CTNNA3: variants seen among roughly 807,000 people sequenced by gnomAD.
CTNNA3 encodes catenin alpha 3.
In CTNNA3, 76 loss-of-function variants were observed where a neutral mutation model predicts 95.7. That is an observed-to-expected ratio of 0.79 (90% CI 0.66 to 0.96). The LOEUF is 0.96. Ranked by LOEUF, CTNNA3 falls within the 40% of genes least tolerant of loss-of-function variation. The probability of loss-of-function intolerance (pLI) is 0.00; values close to 1 mark genes in which losing one functional copy is unlikely to be tolerated. For synonymous variants in CTNNA3, 431 were observed against 374.4 expected (o/e 1.15, Z -1.74); for missense variants, 1,191 against 1,089.8 (o/e 1.09, Z -1.31).
chr10:66,292,094 C>CACACAT (rs1554923879), intron 12 of CTNNA3, among the ~76,000 whole-genome samples: 1 of 150,460 alleles, frequency 6.6e-6, no homozygotes, highest in Non-Finnish European at 1.5e-5. Context: ...CACACACACA[C>CACACAT]ATATATATAT....
intron 4 of CTNNA3, 125 bp downstream of exon 4, chr10:67,539,376 TGC>T: frequency 1.0e-6 from 1 of 969,596 alleles, no homozygotes; most frequent in South Asian, 1.6e-5. Context: ...CAGTCTAGTC[TGC>T]TTCTGAAGGG....
chr10:66,491,088 T>C (rs1295287361), intron 11 of CTNNA3, among the ~76,000 whole-genome samples: 1 of 152,152 alleles, frequency 6.6e-6, no homozygotes, highest in Non-Finnish European at 1.5e-5. Context: ...AGAAATGCAA[T>C]TGAAGAGCTG....
intron 5 of CTNNA3, among the ~76,000 whole-genome samples, chr10:67,289,963 T>G (rs962322957): frequency 2.0e-5 from 3 of 151,460 alleles, no homozygotes; most frequent in African/African-American, 7.3e-5. Flanking sequence ...CATGCCAGGC[T>G]AATTTAAAAA....
chr10:67,626,759 G>A (rs1006789801), intron 2 of CTNNA3, among the ~76,000 whole-genome samples: 2 of 150,784 alleles, frequency 1.3e-5, no homozygotes, highest in South Asian at 2.1e-4. Flanking sequence ...ACATGTATAC[G>A]TGTGTGTTGT....
intron 7 of CTNNA3, among the ~76,000 whole-genome samples, chr10:67,131,629 T>C (rs1019584699): frequency 5.9e-5 from 9 of 152,046 alleles, no homozygotes; most frequent in Non-Finnish European, 1.5e-5. Flanking sequence ...GATCAATCTT[T>C]GTCATTTTTT....
At chr10:66,844,956 G>T (rs939257503) in intron 7 of CTNNA3, among the ~76,000 whole-genome samples, 1 of 152,158 alleles carries the variant, frequency 6.6e-6, no homozygotes, top group Non-Finnish European at 1.5e-5. Context: ...ATAGAAAGGG[G>T]TGGAATGAGA....
At chr10:66,647,713 A>C in intron 9 of CTNNA3, among the ~76,000 whole-genome samples, 1 of 150,092 alleles carries the variant, frequency 6.7e-6, no homozygotes. Flanking sequence ...TAGAGAGGGC[A>C]TTTCACCTTG....
At chr10:67,753,879 G>A (rs1400348687) in intron 1 of CTNNA3, among the ~76,000 whole-genome samples, 1 of 152,232 alleles carries the variant, frequency 6.6e-6, no homozygotes, top group Non-Finnish European at 1.5e-5. Flanking sequence ...ATGTAAATTA[G>A]TTCAACAATT....
At position 67,256,928 on chromosome 10, in the gene CTNNA3, T is replaced by A. The variant is rs1426655814; in HGVS notation, c.580-37058A>T. On this transcript the variant is annotated intron_variant, in intron 5 of 17. Transcript: ENST00000433211. ...AAAAAGTTTAGTTAAATAAAAAAAA[T>A]TAAAATTGCAAAATGCAAACTCTGT... 3.3e-5 allele frequency among the ~76,000 whole-genome samples: 5 copies of A among 152,088 alleles called. No individual in the cohort carries two copies. The East Asian group carries it at 7.7e-4, about 23-fold the overall frequency.
At chr10:66,122,279 C>G (rs1341287999) in intron 13 of CTNNA3, among the ~76,000 whole-genome samples, 1 of 152,022 alleles carries the variant, frequency 6.6e-6, no homozygotes, top group Non-Finnish European at 1.5e-5. Context: ...TGAAATTTGT[C>G]ATTACCTACT....
chr10:66,794,296 T>C (rs1031105153), intron 7 of CTNNA3, among the ~76,000 whole-genome samples: 3 of 152,078 alleles, frequency 2.0e-5, no homozygotes, highest in Non-Finnish European at 2.9e-5. Flanking sequence ...TCAAAGATAT[T>C]CGGGTTCAGT....
intron 11 of CTNNA3, among the ~76,000 whole-genome samples, chr10:66,508,796 C>T (rs923900770): frequency 2.0e-5 from 3 of 152,038 alleles, no homozygotes; most frequent in Admixed American, 6.6e-5. Flanking sequence ...TTGTTGAACA[C>T]GTAGGTTTAT....
intron 3 of CTNNA3, among the ~76,000 whole-genome samples, chr10:67,564,256 A>T (rs1374143775): frequency 1.3e-5 from 2 of 149,744 alleles, no homozygotes; most frequent in Non-Finnish European, 3.0e-5. Context: ...ATGTCCAACA[A>T]TGATAGACTG....
chr10:67,103,771 T>A (rs1240953848), intron 7 of CTNNA3, among the ~76,000 whole-genome samples: 1 of 151,716 alleles, frequency 6.6e-6, no homozygotes, highest in African/African-American at 2.4e-5. Context: ...CAGAATTATT[T>A]ATTCTGTATT....
chr10:66,463,739 A>C (rs2093545051), intron 11 of CTNNA3, among the ~76,000 whole-genome samples: 1 of 152,150 alleles, frequency 6.6e-6, no homozygotes, highest in Non-Finnish European at 1.5e-5. Context: ...GCAGATCAGG[A>C]GAATCAGCCA....
intron 13 of CTNNA3, among the ~76,000 whole-genome samples, chr10:66,156,371 C>T (rs1255306082): frequency 2.0e-5 from 3 of 151,818 alleles, no homozygotes; most frequent in African/African-American, 2.4e-5. Context: ...TTACAAATAC[C>T]GCCATCAGGA....
chr10:67,346,286 A>G (rs185271149), intron 5 of CTNNA3, among the ~76,000 whole-genome samples: 2 of 152,196 alleles, frequency 1.3e-5, no homozygotes, highest in Non-Finnish European at 1.5e-5. Flanking sequence ...GTGTTATAAT[A>G]TTATGTGTAT....
chr10:67,163,678 A>C (rs572209268), intron 7 of CTNNA3, among the ~76,000 whole-genome samples: 8 of 152,094 alleles, frequency 5.3e-5, no homozygotes, highest in African/African-American at 9.6e-5. Flanking sequence ...GGAAGAAATA[A>C]AACTATTCCT....
chr10:66,603,534 G>T (rs933089214), intron 10 of CTNNA3, among the ~76,000 whole-genome samples: 3 of 152,070 alleles, frequency 2.0e-5, no homozygotes, highest in African/African-American at 4.8e-5. Flanking sequence ...TACAGATTCA[G>T]TAGAATCCTT....
Sources: allele counts gnomAD v4.1 joint callset (sites outside exome capture counted in the v4.1 genomes callset), GRCh38; gene constraint gnomAD v4.1.1; transcripts MANE v1.5; gene names NCBI Gene and HGNC (gene_info 2026-07-23, HGNC 2026-07-21).